GPC5: variants seen among roughly 807,000 people sequenced by gnomAD.
GPC5 encodes the protein glypican 5, also known as glypican-5.
In GPC5, 47 loss-of-function variants were observed where a neutral mutation model predicts 53.9. The observed-to-expected ratio is 0.87, with a 90% confidence interval of 0.69 to 1.11. GPC5 has a LOEUF of 1.11. Ranked by LOEUF, GPC5 falls within the 50% of genes most tolerant of loss-of-function variation. The probability of loss-of-function intolerance (pLI) is 0.00; values close to 1 mark genes in which losing one functional copy is unlikely to be tolerated. For missense variants in GPC5, 748 were observed against 713.1 expected (o/e 1.05, Z -0.56); for synonymous variants, 286 against 263.3 (o/e 1.09, Z -0.84).
intron 6 of GPC5, among the ~76,000 whole-genome samples, chr13:92,097,352 C>G (rs1411852636): frequency 1.3e-5 from 2 of 152,076 alleles, no homozygotes; most frequent in Non-Finnish European, 2.9e-5. Context: ...AAGGATGAAA[C>G]AAGTGCTTGA....
Position 92,521,673 on chromosome 13 carries a change from C to A in GPC5, c.1562-344609C>A, listed in dbSNP as rs563366670. Among the ~76,000 whole-genome samples the A allele has an allele frequency of 4.1e-3, 622 of 152,124 alleles. 4 individuals are homozygous for A. The highest frequency in any genetic ancestry group is 0.014 in the African/African-American group (581 of 41,516). ...ATGTTAGACCTAAAACCATAAAAAC[C>A]CTAGAAGAAAACCTAGGCAATACCA... On this transcript the variant is annotated intron_variant, in intron 7 of 7. Transcript: ENST00000377067.
At chr13:92,254,768 T>A (rs2042715631) in intron 7 of GPC5, among the ~76,000 whole-genome samples, 1 of 151,934 alleles carries the variant, frequency 6.6e-6, no homozygotes, top group African/African-American at 2.4e-5. Flanking sequence ...GGCGAAAAAG[T>A]CCCTTATAAA....
At chr13:91,795,121 A>C (rs776815476) in intron 5 of GPC5, among the ~76,000 whole-genome samples, 12 of 152,210 alleles carry the variant, frequency 7.9e-5, no homozygotes, top group Admixed American at 2.6e-4. Flanking sequence ...TAGTTCTGCC[A>C]CTGTATGGAT....
intron 7 of GPC5, among the ~76,000 whole-genome samples, chr13:92,683,745 A>T (rs549366757): frequency 6.6e-6 from 1 of 152,312 alleles, no homozygotes; most frequent in African/African-American, 2.4e-5. Context: ...TATATATATT[A>T]CTTTTTGAGC....
chr13:91,473,015 A>G (rs1456290305), intron 2 of GPC5, among the ~76,000 whole-genome samples: 2 of 152,174 alleles, frequency 1.3e-5, no homozygotes, highest in East Asian at 3.9e-4. Flanking sequence ...TCACAGTTCC[A>G]TATGGCTGGG....
rs140235615 is a variant in GPC5 at position 91,728,549 on chromosome 13, C to T, written c.1038C>T (p.Gly346=). The change falls in exon 4 of 8, where the codon GGC becomes GGT. Residue 346 remains glycine, a synonymous_variant. Coordinates refer to ENST00000377067, the MANE Select transcript of GPC5 (RefSeq NM_004466.6). The part of the protein sequence containing the change: ...KLLEQVNRIC[G]RPVRTPTQSP... ...TTTAAAAGGTAAATAGGATTTGTGGCCGCCCTGTAAGAACACCCACACAAA... is the reference window on the plus strand; with the variant it reads ...TTTAAAAGGTAAATAGGATTTGTGGTCGCCCTGTAAGAACACCCACACAAA... 49 of 1,610,736 alleles carry T rather than the reference C, an allele frequency of 3.0e-5. No individual in the cohort carries two copies. The highest frequency in any genetic ancestry group is 4.2e-5 in the Non-Finnish European group (49 of 1,178,124).
chr13:92,725,626 CTATA>C (rs1218037922), intron 7 of GPC5, among the ~76,000 whole-genome samples: 2 of 151,380 alleles, frequency 1.3e-5, no homozygotes, highest in East Asian at 3.9e-4. Flanking sequence ...CAAAATGCAA[CTATA>C]TAAACAATGA....
intron 7 of GPC5, among the ~76,000 whole-genome samples, chr13:92,197,806 G>A (rs541856000): frequency 5.9e-5 from 9 of 151,686 alleles, no homozygotes; most frequent in South Asian, 4.2e-4. Flanking sequence ...ATGAGTCACC[G>A]AGCCAGGCAC....
intron 4 of GPC5, among the ~76,000 whole-genome samples, chr13:91,755,227 G>A (rs560719417): frequency 6.6e-6 from 1 of 152,052 alleles, no homozygotes; most frequent in South Asian, 2.1e-4. Context: ...AGTTACTCCA[G>A]GCATAATTTA....
chr13:91,653,244 T>C (rs961453224), intron 2 of GPC5, among the ~76,000 whole-genome samples: 1 of 152,202 alleles, frequency 6.6e-6, no homozygotes. Flanking sequence ...GGTGTGTCTT[T>C]CCAGGTTGAT....
At chr13:91,501,136 C>T (rs569075330) in intron 2 of GPC5, among the ~76,000 whole-genome samples, 1 of 152,110 alleles carries the variant, frequency 6.6e-6, no homozygotes, top group East Asian at 1.9e-4. Flanking sequence ...GTGTTTACCT[C>T]TTCACATCAG....
chr13:92,609,554 C>T (rs534477540), intron 7 of GPC5, among the ~76,000 whole-genome samples: 3 of 152,172 alleles, frequency 2.0e-5, no homozygotes, highest in African/African-American at 4.8e-5. Context: ...GGCCAGTTAA[C>T]GTAATGGACC....
intron 2 of GPC5, among the ~76,000 whole-genome samples, chr13:91,519,524 C>T (rs1885691069): frequency 6.6e-6 from 1 of 152,164 alleles, no homozygotes; most frequent in East Asian, 1.9e-4. Context: ...CCCCACTTCG[C>T]TCTCTGTCTC....
intron 7 of GPC5, among the ~76,000 whole-genome samples, chr13:92,168,320 A>T (rs1307071631): frequency 6.6e-6 from 1 of 152,214 alleles, no homozygotes; most frequent in African/African-American, 2.4e-5. Flanking sequence ...ATTGCAACAA[A>T]AGCAAAAATT....
intron 6 of GPC5, among the ~76,000 whole-genome samples, chr13:91,920,577 C>T (rs532787115): frequency 6.6e-6 from 1 of 152,330 alleles, no homozygotes; most frequent in East Asian, 1.9e-4. Context: ...TGCCTACACA[C>T]ACACAGACAT....
intron 7 of GPC5, among the ~76,000 whole-genome samples, chr13:92,431,525 G>A (rs1044294053): frequency 6.6e-6 from 1 of 151,664 alleles, no homozygotes; most frequent in African/African-American, 2.4e-5. Flanking sequence ...AAATGTAGAG[G>A]CTCTGAAATA....
intron 6 of GPC5, chr13:91,995,342 T>C (rs1364795945): frequency 6.6e-6 from 1 of 152,204 alleles, no homozygotes; most frequent in African/African-American, 2.4e-5. Flanking sequence ...TTTTGTAAAA[T>C]TATTTTTTAT....
intron 6 of GPC5, among the ~76,000 whole-genome samples, chr13:92,033,915 T>A (rs2040873091): frequency 6.6e-6 from 1 of 152,196 alleles, no homozygotes. Context: ...CCGGCCTTAA[T>A]TTCGTCATTT....
chr13:91,823,244 G>C (rs572071837), intron 5 of GPC5, among the ~76,000 whole-genome samples: 7 of 151,992 alleles, frequency 4.6e-5, no homozygotes, highest in Non-Finnish European at 1.0e-4. Flanking sequence ...AAAGCTTTAT[G>C]TGTTATGCCA....
Sources: allele counts gnomAD v4.1 joint callset (sites outside exome capture counted in the v4.1 genomes callset), GRCh38; gene constraint gnomAD v4.1.1; transcripts MANE v1.5; gene names NCBI Gene and HGNC (gene_info 2026-07-23, HGNC 2026-07-21).